The following ADAT2 variants were observed in gnomAD, a reference collection of about 807,000 sequenced individuals.
ADAT2 encodes tRNA-specific adenosine-34 deaminase catalytic subunit ADAT2.
A neutral mutation model predicts 25.9 loss-of-function variants in ADAT2; 26 were observed. That is an observed-to-expected ratio of 1.00 (90% CI 0.74 to 1.39). The LOEUF (loss-of-function observed/expected upper bound fraction) is 1.39. ADAT2 is among the 40% of genes most tolerant of loss of function. The probability of loss-of-function intolerance (pLI) is 0.00; values close to 1 mark genes in which losing one functional copy is unlikely to be tolerated. For synonymous variants in ADAT2, 76 were observed against 86.8 expected (o/e 0.88, Z 0.69); for missense variants, 220 against 244.8 (o/e 0.90, Z 0.68).
chr6:143,430,857 A>G lies in ADAT2; in HGVS notation c.459+1648T>C, dbSNP rs189119200. Among the ~76,000 whole-genome samples the G allele has an allele frequency of 2.7e-3, 416 of 152,276 alleles. 4 individuals are homozygous for G. The highest frequency in any genetic ancestry group is 9.3e-3 in the African/African-American group (388 of 41,568). Reference sequence around the variant, plus strand: ...TGGGATTACAGGCATGAGCCACTGCACCCAGCCATAAAACAAAAATTTTAA... The same window carrying G: ...TGGGATTACAGGCATGAGCCACTGCGCCCAGCCATAAAACAAAAATTTTAA... On this transcript the variant is annotated intron_variant, in intron 4 of 5. Transcript: ENST00000237283.
rs575931674 is a variant in ADAT2, at chr6:143,440,620, A to G, written c.97-1926T>C. Among the ~76,000 whole-genome samples, 1 of 152,318 alleles carries G rather than the reference A, an allele frequency of 6.6e-6. No individual in the cohort carries two copies. Among genetic ancestry groups the G allele is most frequent in the South Asian group, 2.1e-4 (1 of 4,828 alleles). On this transcript the variant is annotated intron_variant, in intron 1 of 5. Coordinates refer to ENST00000237283, the MANE Select transcript of ADAT2 (RefSeq NM_182503.3). This position sits in a 1 kb window ranked among gnomAD's most constrained non-coding sequence, Gnocchi z 4.5. Reference sequence around the variant, plus strand: ...AGGCCGGTTGTGTCCCAGTTCTGTGACAGTGGTTAAAGCATGTCCAGTTTA... The same window carrying G: ...AGGCCGGTTGTGTCCCAGTTCTGTGGCAGTGGTTAAAGCATGTCCAGTTTA...
chr6:143,445,982 TATAG>T (rs1004676219), intron 1 of ADAT2, among the ~76,000 whole-genome samples: 3 of 151,880 alleles, frequency 2.0e-5, no homozygotes, highest in Non-Finnish European at 2.9e-5. Context: ...TACACATATG[TATAG>T]ATAGTTAGTC....
intron 1 of ADAT2, among the ~76,000 whole-genome samples, chr6:143,447,367 T>G (rs907036113): frequency 6.6e-6 from 1 of 152,178 alleles, no homozygotes; most frequent in African/African-American, 2.4e-5. Context: ...CCATTTTAGG[T>G]AGTCACTCCA....
At chr6:143,431,955 G>C (rs1233522200) in intron 4 of ADAT2, among the ~76,000 whole-genome samples, 1 of 152,100 alleles carries the variant, frequency 6.6e-6, no homozygotes, top group Non-Finnish European at 1.5e-5. Flanking sequence ...GAATTTCTAG[G>C]AGACTAAAGA....
Position 143,442,476 on chromosome 6 carries a change from TACACACACACACACAC to T in ADAT2, c.97-3798_97-3783del, listed in dbSNP as rs35133336. Among the ~76,000 whole-genome samples, 5 of 142,144 alleles carry T rather than the reference TACACACACACACACAC, an allele frequency of 3.5e-5. No individual in the cohort carries two copies. The highest frequency in any genetic ancestry group is 2.3e-4 in the South Asian group (1 of 4,318). 93.3% of individuals were successfully genotyped at this position (142,144 alleles called of 152,430 possible). ...CATGACAAAATTGCATAGGCACGCA[TACACACACACACACAC>T]ACACACACACACACACACGTACAAA... On this transcript the variant is annotated intron_variant, in intron 1 of 5. Transcript: ENST00000237283. The surrounding 1 kb of genome is among the most constrained non-coding windows in gnomAD (Gnocchi z 4.6).
At chr6:143,435,873 A>T (rs1387854983) in intron 2 of ADAT2, among the ~76,000 whole-genome samples, 1 of 152,220 alleles carries the variant, frequency 6.6e-6, no homozygotes, top group Non-Finnish European at 1.5e-5. Context: ...AATTGTTTGC[A>T]GAGGTATGTG....
chr6:143,424,765 C>A lies in ADAT2; in HGVS notation c.*3698G>T, dbSNP rs1778881582. 6.6e-6 allele frequency: 1 copy of A among 152,116 alleles called. No homozygotes were observed. The highest frequency in any genetic ancestry group is 1.5e-5 in the Non-Finnish European group (1 of 68,010). 9.4% of individuals were successfully genotyped at this position (152,116 alleles called of 1,614,324 possible). ...AATTTTTTTTATCAATTTTGGCAGA[C>A]AGTAAAAGAGGAAGAATGCAATCAA... On this transcript the variant is annotated 3_prime_UTR_variant, in exon 6 of 6. Coordinates refer to ENST00000237283, the MANE Select transcript of ADAT2 (RefSeq NM_182503.3). This position sits in a 1 kb window ranked among gnomAD's most constrained non-coding sequence, Gnocchi z 4.8.
intron 2 of ADAT2, among the ~76,000 whole-genome samples, chr6:143,435,243 G>A (rs1350224403): frequency 6.6e-6 from 1 of 150,566 alleles, no homozygotes; most frequent in African/African-American, 2.4e-5. Context: ...TCTCCCTACA[G>A]CTCTCAATAA....
intron 4 of ADAT2, among the ~76,000 whole-genome samples, chr6:143,430,378 G>C (rs1466991442): frequency 6.6e-6 from 1 of 152,132 alleles, no homozygotes; most frequent in Non-Finnish European, 1.5e-5. Context: ...TCTGGGGCAG[G>C]GACTGAGCAG....
rs1372770523 is a variant in ADAT2, at chr6:143,440,374, A to G, written c.97-1680T>C. On this transcript the variant is annotated intron_variant, in intron 1 of 5. Transcript: ENST00000237283. This position sits in a 1 kb window ranked among gnomAD's most constrained non-coding sequence, Gnocchi z 4.5. ...ATTTAACTAGTGACAACTTCCTATT[A>G]TAAGGCATACAGGATTTCCTCAGTT... 1.3e-5 allele frequency among the ~76,000 whole-genome samples: 2 copies of G among 152,208 alleles called. No individual in the cohort carries two copies. The highest frequency in any genetic ancestry group is 4.8e-5 in the African/African-American group (2 of 41,462).
In ADAT2 at chr6:143,444,896, T is replaced by C. The variant is rs1779558030; in HGVS notation, c.96+5667A>G. On this transcript the variant is annotated intron_variant, in intron 1 of 5. Coordinates refer to ENST00000237283, the MANE Select transcript of ADAT2 (RefSeq NM_182503.3). This position sits in a 1 kb window ranked among gnomAD's most constrained non-coding sequence, Gnocchi z 4.3. ...TACTATAAACTGCTTTCTAGTGATG[T>C]CATGATAAAAGGGGGAGAGATGGAA... 2 of 1,288,260 alleles carry C rather than the reference T, an allele frequency of 1.6e-6. No homozygotes were observed. The highest frequency in any genetic ancestry group is 2.3e-5 in the Admixed American group (1 of 42,710). 79.8% of individuals were successfully genotyped at this position (1,288,260 alleles called of 1,614,324 possible).
chr6:143,428,327 C>A lies in ADAT2; in HGVS notation c.*136G>T, dbSNP rs1012886977. 28 of 947,136 alleles carry A rather than the reference C, an allele frequency of 3.0e-5. No individual in the cohort carries two copies. The African/African-American group carries it at 4.7e-4, about 16-fold the overall frequency. 58.7% of individuals were successfully genotyped at this position (947,136 alleles called of 1,614,324 possible). On this transcript the variant is annotated 3_prime_UTR_variant, in exon 6 of 6. Transcript: ENST00000237283. The surrounding 1 kb of genome is among the most constrained non-coding windows in gnomAD (Gnocchi z 5.0). ...GTGCTAATTTGTTCCCTTAACAGAG[C>A]AAATGATGAGAGACACCATTTTCCT...
At position 143,442,571 on chromosome 6, in the gene ADAT2, G is replaced by T. The variant is rs1779494878; in HGVS notation, c.97-3877C>A. On this transcript the variant is annotated intron_variant, in intron 1 of 5. Coordinates refer to ENST00000237283, the MANE Select transcript of ADAT2 (RefSeq NM_182503.3). The surrounding 1 kb of genome is among the most constrained non-coding windows in gnomAD (Gnocchi z 4.6). ...GCAGTTTTCCCAATGCATTTTTCCTGGTTTTGATACTGAACTATAGCTATG... is the reference window on the plus strand; with the variant it reads ...GCAGTTTTCCCAATGCATTTTTCCTTGTTTTGATACTGAACTATAGCTATG... 6.6e-6 allele frequency among the ~76,000 whole-genome samples: 1 copy of T among 151,472 alleles called. No individual in the cohort carries two copies. The highest frequency in any genetic ancestry group is 6.6e-5 in the Admixed American group (1 of 15,176).
chr6:143,447,283 G>T (rs964137100), intron 1 of ADAT2, among the ~76,000 whole-genome samples: 2 of 152,086 alleles, frequency 1.3e-5, no homozygotes, highest in South Asian at 2.1e-4. Flanking sequence ...TAGTGGCTAC[G>T]ATATTAGGCA....
chr6:143,435,475 C>A (rs193190879), intron 2 of ADAT2, among the ~76,000 whole-genome samples: 1 of 152,016 alleles, frequency 6.6e-6, no homozygotes. Flanking sequence ...CTTTATGACA[C>A]GGAATAACAA....
rs956096088 is a variant in ADAT2, at chr6:143,424,019, T to G, written c.*4444A>C. The G allele has an allele frequency of 5.3e-5, 8 of 152,162 alleles. No homozygotes were observed. The highest frequency in any genetic ancestry group is 1.9e-4 in the African/African-American group (8 of 41,430). 9.4% of individuals were successfully genotyped at this position (152,162 alleles called of 1,614,324 possible). Reference sequence around the variant, plus strand: ...TGGATATGTGGTGTTCAACCCAATATCCACTTAGAAATCAGGTGATAAATA... The same window carrying G: ...TGGATATGTGGTGTTCAACCCAATAGCCACTTAGAAATCAGGTGATAAATA... On this transcript the variant is annotated 3_prime_UTR_variant, in exon 6 of 6. Transcript: ENST00000237283. This position sits in a 1 kb window ranked among gnomAD's most constrained non-coding sequence, Gnocchi z 4.8.
At chr6:143,439,675 TGGA>T in intron 1 of ADAT2, among the ~76,000 whole-genome samples, 1 of 152,156 alleles carries the variant, frequency 6.6e-6, no homozygotes. Flanking sequence ...GGTTGCTTCA[TGGA>T]GGAGGATGTG....
At position 143,425,835 on chromosome 6, in the gene ADAT2, T is replaced by C. The variant is rs1252653194; in HGVS notation, c.*2628A>G. 1 of 150,404 alleles carries C rather than the reference T, an allele frequency of 6.6e-6. No individual in the cohort carries two copies. The highest frequency in any genetic ancestry group is 1.5e-5 in the Non-Finnish European group (1 of 67,708). The allele number at this position is 150,404 out of a possible 1,614,324, so 9.3% of individuals were successfully genotyped here. On this transcript the variant is annotated 3_prime_UTR_variant, in exon 6 of 6. Transcript: ENST00000237283. The stretch of plus-strand genomic sequence containing the variant: ...AGTTTAAAGAAAAATTAAGAGTTCT[T>C]GCCTACACTGAAGCTCTTGGCCATC...
At chr6:143,430,712 C>T (rs1412386483) in intron 4 of ADAT2, among the ~76,000 whole-genome samples, 14 of 151,942 alleles carry the variant, frequency 9.2e-5, no homozygotes, top group Non-Finnish European at 1.3e-4. Flanking sequence ...ATCACAGGCG[C>T]CCGCCACCAT....
Sources: gnomAD v4.1 joint callset for allele counts (sites outside exome capture counted in the v4.1 genomes callset) on GRCh38, gnomAD v4.1.1 for gene constraint, Gnocchi (gnomAD v3.1) non-coding constraint, MANE v1.5 for transcripts, NCBI Gene and HGNC (gene_info 2026-07-23, HGNC 2026-07-21) for gene names.